The following TRPC4 variants were observed in gnomAD, a reference collection of about 807,000 sequenced individuals.
TRPC4 encodes the protein transient receptor potential cation channel subfamily C member 4.
TRPC4 carries 49 observed loss-of-function variants against 99.4 expected under a neutral mutation model. The ratio of observed to expected loss-of-function variants is 0.49; its 90% CI spans 0.39 to 0.63. The LOEUF (loss-of-function observed/expected upper bound fraction) is 0.63, where lower values mean the gene tolerates loss of function less well. Ranked by LOEUF, TRPC4 falls within the 20% of genes least tolerant of loss-of-function variation. The pLI, the probability that TRPC4 is intolerant of heterozygous loss-of-function variation, is 0.00. For missense variants in TRPC4, 898 were observed against 1,152.9 expected (o/e 0.78, Z 3.20); for synonymous variants, 454 against 425.9 (o/e 1.07, Z -0.81).
At chr13:37,654,184 C>T (rs1415426799) in intron 7 of TRPC4, among the ~76,000 whole-genome samples, 1 of 151,780 alleles carries the variant, frequency 6.6e-6, no homozygotes, top group Non-Finnish European at 1.5e-5. Flanking sequence ...CAGAGTTTTG[C>T]TTGACAAAAA....
intron 4 of TRPC4, among the ~76,000 whole-genome samples, chr13:37,679,638 A>G (rs983228986): frequency 1.2e-4 from 19 of 152,184 alleles, no homozygotes; most frequent in African/African-American, 3.6e-4. Flanking sequence ...TAAATTAATT[A>G]TAGTGTATTT....
intron 4 of TRPC4, among the ~76,000 whole-genome samples, chr13:37,686,450 CAT>C (rs1313248891): frequency 2.7e-4 from 41 of 151,504 alleles, no homozygotes; most frequent in Non-Finnish European, 4.4e-5. Context: ...TATACACACA[CAT>C]ATATATACAT....
intron 3 of TRPC4, among the ~76,000 whole-genome samples, chr13:37,693,753 C>T (rs188915892): frequency 6.6e-6 from 1 of 152,292 alleles, no homozygotes; most frequent in East Asian, 1.9e-4. Context: ...AACTGTTTCT[C>T]TTCATCTTGT....
chr13:37,649,764 C>CA (rs1555250154), intron 8 of TRPC4, among the ~76,000 whole-genome samples: 12 of 85,636 alleles, frequency 1.4e-4, no homozygotes, highest in African/African-American at 4.9e-4. Flanking sequence ...AAAAAAACAA[C>CA]AACAAAGAAC....
In TRPC4 at chr13:37,818,809, G is replaced by A. The variant is rs191039249; in HGVS notation, c.-27-35449C>T. 3.2e-4 allele frequency among the ~76,000 whole-genome samples: 48 copies of A among 152,124 alleles called. No homozygotes were observed. The East Asian group carries it at 9.3e-3, about 29-fold the overall frequency. Reference sequence around the variant, plus strand: ...CATACCAGGGCCTGTCAGGGGATTGGGGGCCATTGAAGAGATAGCATTAGG... The same window carrying A: ...CATACCAGGGCCTGTCAGGGGATTGAGGGCCATTGAAGAGATAGCATTAGG... On this transcript the variant is annotated intron_variant, in intron 1 of 10. Transcript: ENST00000379705.
chr13:37,811,248 A>G (rs1254720051), intron 1 of TRPC4, among the ~76,000 whole-genome samples: 1 of 152,146 alleles, frequency 6.6e-6, no homozygotes, highest in Non-Finnish European at 1.5e-5. Context: ...AAATCAATAT[A>G]TGTTTGTAGA....
intron 1 of TRPC4, among the ~76,000 whole-genome samples, chr13:37,810,673 A>G (rs1957655520): frequency 6.6e-6 from 1 of 152,086 alleles, no homozygotes; most frequent in South Asian, 2.1e-4. Context: ...TGAAAATTAA[A>G]ATCCTCATAC....
chr13:37,831,061 C>A (rs367820028), intron 1 of TRPC4, among the ~76,000 whole-genome samples: 6 of 151,884 alleles, frequency 4.0e-5, no homozygotes, highest in Admixed American at 2.6e-4. Context: ...CTTGTCTCTT[C>A]GCTCTGTTAG....
At chr13:37,763,069 A>C (rs1233587351) in intron 2 of TRPC4, among the ~76,000 whole-genome samples, 1 of 151,528 alleles carries the variant, frequency 6.6e-6, no homozygotes, top group African/African-American at 2.4e-5. Flanking sequence ...ATTTTTGTGC[A>C]ATAGTAAAGG....
At chr13:37,784,105 A>T (rs1488051757) in intron 1 of TRPC4, among the ~76,000 whole-genome samples, 1 of 151,996 alleles carries the variant, frequency 6.6e-6, no homozygotes, top group Non-Finnish European at 1.5e-5. Flanking sequence ...ACATAATTAT[A>T]TTTTTTTCTC....
chr13:37,664,178 GTTAA>G (rs1220247651), intron 5 of TRPC4, among the ~76,000 whole-genome samples: 1 of 152,146 alleles, frequency 6.6e-6, no homozygotes, highest in African/African-American at 2.4e-5. Flanking sequence ...AAGTAAGCAG[GTTAA>G]TTAAAATGTC....
chr13:37,798,078 T>G (rs1957303779), intron 1 of TRPC4, among the ~76,000 whole-genome samples: 1 of 152,190 alleles, frequency 6.6e-6, no homozygotes, highest in African/African-American at 2.4e-5. Flanking sequence ...TTGGGGTGTT[T>G]AGCAGATATG....
At chr13:37,691,895 T>G (rs1466376317) in intron 4 of TRPC4, 104 bp downstream of exon 4, 1 of 1,139,258 alleles carries the variant, frequency 8.8e-7, no homozygotes, top group East Asian at 2.5e-5. Context: ...TCAGAACCTA[T>G]TCTAAACATT....
At chr13:37,832,397 T>C (rs1275695534) in intron 1 of TRPC4, among the ~76,000 whole-genome samples, 1 of 151,688 alleles carries the variant, frequency 6.6e-6, no homozygotes, top group Non-Finnish European at 1.5e-5. Flanking sequence ...AAAAAGAAAA[T>C]TAGCTGGGCG....
intron 1 of TRPC4, among the ~76,000 whole-genome samples, chr13:37,784,201 A>G (rs1956916411): frequency 6.6e-6 from 1 of 152,164 alleles, no homozygotes; most frequent in Non-Finnish European, 1.5e-5. Flanking sequence ...CCAGAAGAAG[A>G]TTTGGAAAGG....
intron 3 of TRPC4, among the ~76,000 whole-genome samples, chr13:37,737,262 A>T (rs1593622052): frequency 1.3e-5 from 2 of 151,648 alleles, no homozygotes; most frequent in East Asian, 3.9e-4. Context: ...AGCTGATAAT[A>T]ATAGATAGCC....
At chr13:37,742,030 A>G (rs1211425478) in intron 3 of TRPC4, among the ~76,000 whole-genome samples, 1 of 152,126 alleles carries the variant, frequency 6.6e-6, no homozygotes, top group Non-Finnish European at 1.5e-5. Flanking sequence ...CAGTTGCTAA[A>G]ATACATTCAT....
At chr13:37,789,376 T>C (rs933815772) in intron 1 of TRPC4, among the ~76,000 whole-genome samples, 5 of 152,166 alleles carry the variant, frequency 3.3e-5, no homozygotes, top group African/African-American at 1.2e-4. Context: ...ATGATGTTTC[T>C]TTTCTTCCTC....
intron 1 of TRPC4, among the ~76,000 whole-genome samples, chr13:37,832,210 G>T (rs935833951): frequency 9.9e-5 from 15 of 151,996 alleles, no homozygotes; most frequent in African/African-American, 3.4e-4. Context: ...ACACGATATT[G>T]TTGTTTTTAA....
Sources: allele counts gnomAD v4.1 joint callset (sites outside exome capture counted in the v4.1 genomes callset), GRCh38; gene constraint gnomAD v4.1.1; transcripts MANE v1.5; gene names NCBI Gene and HGNC (gene_info 2026-07-23, HGNC 2026-07-21).